The following TBC1D21 variants were observed in gnomAD, a reference collection of about 807,000 sequenced individuals.
TBC1D21 encodes the protein TBC1 domain family member 21.
A neutral mutation model predicts 46.0 loss-of-function variants in TBC1D21; 38 were observed. The ratio of observed to expected loss-of-function variants is 0.83; its 90% CI spans 0.64 to 1.08. TBC1D21 has a LOEUF of 1.08. TBC1D21 is among the 50% of genes least tolerant of loss of function. TBC1D21 has a pLI of 0.00. For missense variants in TBC1D21, 415 were observed against 417.9 expected (o/e 0.99, Z 0.06); for synonymous variants, 151 against 157.2 (o/e 0.96, Z 0.29).
chr15:73,902,967 C>T, the TBC1D21 span, among the ~76,000 whole-genome samples: 1 of 152,204 alleles, frequency 6.6e-6, no homozygotes, highest in South Asian at 2.1e-4. Context: ...GGTCTGCCTG[C>T]TTGTCTCCCT....
intron 1 of TBC1D21, among the ~76,000 whole-genome samples, chr15:73,877,728 G>A (rs1426034339): frequency 3.3e-5 from 5 of 152,142 alleles, no homozygotes; most frequent in Non-Finnish European, 7.4e-5. Flanking sequence ...ATCACCAAGT[G>A]GGGCTTATCC....
the TBC1D21 span, among the ~76,000 whole-genome samples, chr15:73,904,060 AT>A: frequency 6.6e-6 from 1 of 152,004 alleles, no homozygotes; most frequent in African/African-American, 2.4e-5. Flanking sequence ...AAAAATATAT[AT>A]ATATATACTC....
chr15:73,884,562 G>A (rs917153685), intron 4 of TBC1D21, among the ~76,000 whole-genome samples: 6 of 152,208 alleles, frequency 3.9e-5, no homozygotes, highest in East Asian at 1.9e-4. Context: ...ATTCCTGGCC[G>A]AGGGTACGGC....
At chr15:73,873,915 T>A (rs954775552) in intron 1 of TBC1D21, 146 bp downstream of exon 1, 6 of 901,040 alleles carry the variant, frequency 6.7e-6, no homozygotes, top group Non-Finnish European at 1.0e-5. Context: ...ACTCTTACCA[T>A]CAGCCCAAGG....
At chr15:73,885,873 C>G (rs559403811) in intron 6 of TBC1D21, among the ~76,000 whole-genome samples, 1 of 151,874 alleles carries the variant, frequency 6.6e-6, no homozygotes, top group Non-Finnish European at 1.5e-5. Flanking sequence ...ACAACATATA[C>G]AGACAAACTT....
At chr15:73,893,957 C>A (rs930348731), downstream of TBC1D21, among the ~76,000 whole-genome samples, 1 of 152,212 alleles carries the variant, frequency 6.6e-6, no homozygotes, top group African/African-American at 2.4e-5. Context: ...ATATGTTCCA[C>A]GCCTTGTGCT....
intron 1 of TBC1D21, among the ~76,000 whole-genome samples, chr15:73,874,088 A>G (rs1425283606): frequency 6.6e-6 from 1 of 152,220 alleles, no homozygotes; most frequent in African/African-American, 2.4e-5. Context: ...ATTTTGGTAT[A>G]CTGCCACCAG....
At chr15:73,906,555 G>A in the TBC1D21 span, among the ~76,000 whole-genome samples, 1 of 152,136 alleles carries the variant, frequency 6.6e-6, no homozygotes, top group South Asian at 2.1e-4. Context: ...AGGCCTGGCA[G>A]AGCTCAGATA....
At chr15:73,902,157 T>C in the TBC1D21 span, among the ~76,000 whole-genome samples, 3 of 152,236 alleles carry the variant, frequency 2.0e-5, no homozygotes, top group African/African-American at 7.2e-5. Flanking sequence ...ACTTTTGCCA[T>C]TCACAGGTTC....
At chr15:73,885,921 ACACT>A (rs1215856454) in intron 6 of TBC1D21, among the ~76,000 whole-genome samples, 153 bp from the exon 7 acceptor site, 1 of 152,140 alleles carries the variant, frequency 6.6e-6, no homozygotes, top group Non-Finnish European at 1.5e-5. Context: ...ATGTATGCAC[ACACT>A]CACACACACA....
downstream of TBC1D21, among the ~76,000 whole-genome samples, chr15:73,891,597 G>A (rs1338928555): frequency 1.3e-5 from 2 of 152,210 alleles, no homozygotes; most frequent in Non-Finnish European, 2.9e-5. Context: ...CACTCTTGGG[G>A]GCCCTTGAAA....
the TBC1D21 span, among the ~76,000 whole-genome samples, chr15:73,899,242 A>G: frequency 6.6e-6 from 1 of 152,078 alleles, no homozygotes; most frequent in Non-Finnish European, 1.5e-5. Flanking sequence ...ACCTCCTGGG[A>G]AGCGGGTGAG....
chr15:73,883,550 T>G (rs929444999), intron 3 of TBC1D21, among the ~76,000 whole-genome samples: 9 of 152,168 alleles, frequency 5.9e-5, no homozygotes, highest in Admixed American at 5.2e-4. Flanking sequence ...TAAGAACACA[T>G]GTCATTGGAT....
At chr15:73,890,371 AGC>A (rs1170259529), downstream of TBC1D21, among the ~76,000 whole-genome samples, 6 of 152,322 alleles carry the variant, frequency 3.9e-5, no homozygotes, top group South Asian at 4.1e-4. Context: ...CTGTCCCCCC[AGC>A]AACACCTTCT....
the TBC1D21 span, among the ~76,000 whole-genome samples, chr15:73,895,826 C>T: frequency 1.3e-5 from 2 of 152,138 alleles, no homozygotes; most frequent in East Asian, 1.9e-4. Flanking sequence ...CCTGGCTTGC[C>T]GATGCTCTGC....
chr15:73,905,911 TG>T, the TBC1D21 span, among the ~76,000 whole-genome samples: 5,261 of 152,172 alleles, frequency 0.035, 320 homozygotes, highest in African/African-American at 0.12. Context: ...CAGGGATCAT[TG>T]TGCCTCCCCA....
At chr15:73,907,742 A>C in the TBC1D21 span, among the ~76,000 whole-genome samples, 1 of 152,214 alleles carries the variant, frequency 6.6e-6, no homozygotes, top group East Asian at 1.9e-4. Context: ...TTTACTTTTA[A>C]GAAAGATTTT....
At position 73,881,758 on chromosome 15, in the gene TBC1D21, C is replaced by T. The variant is rs1300010684; in HGVS notation, c.272+11C>T. ...GGACAGCATGAGGAGGTAGAACACT[C>T]CAGACCCTGCTGGGACAGGAGGGGG... On this transcript the variant is annotated intron_variant, in intron 3 of 10. Coordinates refer to ENST00000300504, the MANE Select transcript of TBC1D21 (RefSeq NM_153356.3). 8 of 1,611,904 alleles carry T rather than the reference C, an allele frequency of 5.0e-6. No individual in the cohort carries two copies. The highest frequency in any genetic ancestry group is 1.1e-5 in the South Asian group (1 of 90,972).
intron 6 of TBC1D21, among the ~76,000 whole-genome samples, chr15:73,885,729 C>T (rs1018463702): frequency 3.3e-5 from 5 of 151,848 alleles, no homozygotes; most frequent in African/African-American, 1.2e-4. Context: ...GTTGGCTCTG[C>T]CCCAACACTA....
Sources: allele counts gnomAD v4.1 joint callset (sites outside exome capture counted in the v4.1 genomes callset), GRCh38; gene constraint gnomAD v4.1.1; transcripts MANE v1.5; gene names NCBI Gene and HGNC (gene_info 2026-07-23, HGNC 2026-07-21).